The following FASTKD1 variants were observed in gnomAD, a reference collection of about 807,000 sequenced individuals.
FASTKD1 encodes FAST kinase domains 1.
FASTKD1 carries 94 observed loss-of-function variants against 90.9 expected under a neutral mutation model. The ratio of observed to expected loss-of-function variants is 1.03; its 90% CI spans 0.88 to 1.23. The LOEUF (loss-of-function observed/expected upper bound fraction) is 1.23. FASTKD1 is among the 50% of genes most tolerant of loss of function. The pLI, the probability that FASTKD1 is intolerant of heterozygous loss-of-function variation, is 0.00. For missense variants in FASTKD1, 945 were observed against 993.5 expected (o/e 0.95, Z 0.66); for synonymous variants, 319 against 345.8 (o/e 0.92, Z 0.86).
In FASTKD1 at chr2:169,546,489, A is replaced by C; in HGVS notation, c.1430T>G (p.Leu477Arg). ...MYLDNMTAKQ[L>R]KLLQKLDHYG... ...GTGATCTAATTTTTGAAGTAGTTTCAGTTGTTTCGCAGTCATATTATCCAA... is the reference window on the plus strand; with the variant it reads ...GTGATCTAATTTTTGAAGTAGTTTCCGTTGTTTCGCAGTCATATTATCCAA... Residue 477 changes from leucine to arginine, a missense_variant, in exon 8 of 15, where the codon CTG becomes CGG. Coordinates refer to ENST00000453153, the MANE Select transcript of FASTKD1 (RefSeq NM_024622.6). The C allele has an allele frequency of 1.2e-6, 2 of 1,614,152 alleles. No individual in the cohort carries two copies. The highest frequency in any genetic ancestry group is 4.5e-5 in the East Asian group (2 of 44,878).
rs1446181868 is a variant in FASTKD1, at chr2:169,560,757, A to G, written c.601T>C (p.Ser201Pro). Residue 201 changes from serine to proline, a missense_variant, in exon 5 of 15, where the codon TCT becomes CCT. Transcript: ENST00000453153. ...SSLSVLMVNI[S>P]SLISRHFQQQ... ...TGAAAATGTCGTGATATTAAAGAAG[A>G]TATGTTGACCATCAAGACAGACAAG... 3.8e-6 allele frequency: 6 copies of G among 1,579,272 alleles called. No individual in the cohort carries two copies. The highest frequency in any genetic ancestry group is 5.1e-6 in the Non-Finnish European group (6 of 1,165,272).
chr2:169,530,899 T>C, intron 13 of FASTKD1, 198 bp from the exon 14 acceptor site: 1 of 692,520 alleles, frequency 1.4e-6, no homozygotes, highest in Non-Finnish European at 2.6e-6. Flanking sequence ...ATTGTAAATA[T>C]TTGTCTGCTT....
intron 3 of FASTKD1, among the ~76,000 whole-genome samples, chr2:169,564,871 T>C (rs1683879490): frequency 6.6e-6 from 1 of 152,222 alleles, no homozygotes; most frequent in South Asian, 2.1e-4. Context: ...TAATCTCCAG[T>C]TCCACCCATG....
intron 12 of FASTKD1, among the ~76,000 whole-genome samples, chr2:169,533,024 A>C (rs1684559546): frequency 6.6e-6 from 1 of 151,990 alleles, no homozygotes; most frequent in South Asian, 2.1e-4. Context: ...AATTTCCCAT[A>C]TCTCTCTACT....
At chr2:169,566,693 C>A (rs113420534) in intron 3 of FASTKD1, among the ~76,000 whole-genome samples, 1,986 of 152,274 alleles carry the variant, frequency 0.013, 44 homozygotes, top group African/African-American at 0.045. Context: ...CCCTGGGTAA[C>A]AGAGCCAAAC....
chr2:169,537,030 C>G (rs1684749957), intron 12 of FASTKD1, 197 bp downstream of exon 12: 3 of 282,108 alleles, frequency 1.1e-5, no homozygotes, highest in Middle Eastern at 1.2e-3. Flanking sequence ...ATAGAAAACG[C>G]TCTTGGTTAT....
chr2:169,562,070 AAAATAAT>A (rs1683709089), intron 4 of FASTKD1, among the ~76,000 whole-genome samples: 2 of 122,336 alleles, frequency 1.6e-5, no homozygotes, highest in African/African-American at 3.1e-5. Context: ...AATTTATTGT[AAAATAAT>A]TATTTATTAA....
chr2:169,534,856 CTT>C (rs879485102), intron 12 of FASTKD1, among the ~76,000 whole-genome samples: 5 of 144,656 alleles, frequency 3.5e-5, no homozygotes, highest in Non-Finnish European at 3.1e-5. Flanking sequence ...ACCTTTTTGT[CTT>C]TTTTTTTTTT....
chr2:169,562,048 T>A (rs1169239305), intron 4 of FASTKD1, among the ~76,000 whole-genome samples: 1 of 113,416 alleles, frequency 8.8e-6, no homozygotes, highest in Admixed American at 1.0e-4. Flanking sequence ...TATTGTAAAT[T>A]AATTATTTAT....
chr2:169,569,284 A>G, intron 2 of FASTKD1, 32 bp from the exon 3 acceptor site: 1 of 1,587,686 alleles, frequency 6.3e-7, no homozygotes, highest in Non-Finnish European at 8.6e-7. Context: ...CTCCATACAT[A>G]ATCATTTTAA....
chr2:169,557,177 G>GA lies in FASTKD1; in HGVS notation c.1082+9dup, dbSNP rs1224276952. The GA allele has an allele frequency of 6.4e-7, 1 of 1,551,724 alleles. No homozygotes were observed. The highest frequency in any genetic ancestry group is 1.4e-5 in the African/African-American group (1 of 73,642). On this transcript the variant is annotated intron_variant, in intron 6 of 14. Coordinates refer to ENST00000453153, the MANE Select transcript of FASTKD1 (RefSeq NM_024622.6). ...AACAAACTTAACGTCGTAAATTTCA[G>GA]AAAAGATACCTTTTAATCAGACATG... is the stretch of plus-strand genomic sequence containing the variant.
chr2:169,566,138 A>C (rs941929220), intron 3 of FASTKD1, among the ~76,000 whole-genome samples: 1 of 152,058 alleles, frequency 6.6e-6, no homozygotes, highest in Non-Finnish European at 1.5e-5. Flanking sequence ...CTCTCGCTTC[A>C]CTTTGTTGAT....
At chr2:169,530,023 T>G in intron 14 of FASTKD1, 97 bp from the exon 15 acceptor site, 1 of 821,694 alleles carries the variant, frequency 1.2e-6, no homozygotes, top group Non-Finnish European at 1.9e-6. Flanking sequence ...GCTGTAGGAA[T>G]CCTATGAAAT....
chr2:169,565,376 C>T (rs1683925139), intron 3 of FASTKD1, among the ~76,000 whole-genome samples: 1 of 147,292 alleles, frequency 6.8e-6, no homozygotes, highest in Non-Finnish European at 1.5e-5. Flanking sequence ...CATTCTCCTG[C>T]TTCAGCCTCA....
chr2:169,537,185 T>C (rs1281086042), intron 12 of FASTKD1, 42 bp downstream of exon 12: 2 of 1,192,592 alleles, frequency 1.7e-6, no homozygotes, highest in African/African-American at 1.5e-5. Flanking sequence ...TCAAATTAGT[T>C]TGATTTTCTG....
At chr2:169,559,165 G>T (rs964300598) in intron 5 of FASTKD1, among the ~76,000 whole-genome samples, 2 of 151,412 alleles carry the variant, frequency 1.3e-5, no homozygotes, top group Admixed American at 6.6e-5. Flanking sequence ...TAGAGACGGG[G>T]TTCCTCCATG....
chr2:169,535,753 A>G (rs1291850020), intron 12 of FASTKD1, among the ~76,000 whole-genome samples: 4 of 152,218 alleles, frequency 2.6e-5, no homozygotes, highest in African/African-American at 9.7e-5. Flanking sequence ...ACACACATCT[A>G]TCATCTGAAT....
At chr2:169,545,766 C>T (rs1028060641) in intron 8 of FASTKD1, among the ~76,000 whole-genome samples, 2 of 152,152 alleles carry the variant, frequency 1.3e-5, no homozygotes, top group African/African-American at 2.4e-5. Flanking sequence ...AACCAAAAAT[C>T]ATTCATACTC....
At chr2:169,532,877 A>G (rs375573325) in intron 12 of FASTKD1, among the ~76,000 whole-genome samples, 12 of 152,314 alleles carry the variant, frequency 7.9e-5, no homozygotes, top group African/African-American at 2.6e-4. Context: ...ACTGCCTTCA[A>G]TCCTTCACCA....
Sources: allele counts gnomAD v4.1 joint callset (sites outside exome capture counted in the v4.1 genomes callset), GRCh38; gene constraint gnomAD v4.1.1; transcripts MANE v1.5; gene names NCBI Gene and HGNC (gene_info 2026-07-23, HGNC 2026-07-21).